Variants in ATF7 observed in about 807,000 individuals in gnomAD.
The protein encoded by ATF7 is activating transcription factor 7.
In ATF7, 10 loss-of-function variants were observed where a neutral mutation model predicts 50.4. The observed-to-expected ratio is 0.20, with a 90% CI of 0.12 to 0.34. The LOEUF (loss-of-function observed/expected upper bound fraction) is 0.34. Among genes scored for constraint, ATF7 ranks in the 10% least tolerant of loss-of-function variants. The pLI, the probability that ATF7 is intolerant of heterozygous loss-of-function variation, is 1.00. For synonymous variants in ATF7, 201 were observed against 226.4 expected (o/e 0.89, Z 1.01); for missense variants, 465 against 613.9 (o/e 0.76, Z 2.56).
downstream of ATF7, among the ~76,000 whole-genome samples, chr12:53,511,417 T>G (rs918655908): frequency 1.3e-5 from 2 of 152,158 alleles, no homozygotes; most frequent in African/African-American, 2.4e-5. Context: ...ACCTGGCTAA[T>G]TTTTGTATTT....
Position 53,562,255 on chromosome 12 carries a change from C to G in ATF7, c.49-9618G>C, listed in dbSNP as rs149531248. Reference sequence around the variant, plus strand: ...AAATCCCAAGCACCTAGAACGGTATCTGTACACAGTAGGTGCTTAATATTT... The same window carrying G: ...AAATCCCAAGCACCTAGAACGGTATGTGTACACAGTAGGTGCTTAATATTT... On this transcript the variant is annotated intron_variant, in intron 2 of 11. Coordinates refer to ENST00000420353, the MANE Select transcript of ATF7 (RefSeq NM_006856.3). 6.6e-4 allele frequency among the ~76,000 whole-genome samples: 100 copies of G among 152,336 alleles called. 1 individual carries two copies. The East Asian group carries it at 0.018, about 28-fold the overall frequency.
chr12:53,619,292 C>T lies in ATF7; in HGVS notation c.-22+6987G>A, dbSNP rs148701686. Among the ~76,000 whole-genome samples, 1,061 of 151,576 alleles carry T rather than the reference C, an allele frequency of 7.0e-3. 3 individuals are homozygous for T. Among genetic ancestry groups the T allele is most frequent in the Admixed American group, 0.011 (165 of 15,202 alleles). On this transcript the variant is annotated intron_variant, in intron 1 of 11. Transcript: ENST00000420353. ...ATCAACTGAGGCCAGGAGTTTGAGACCAGCCTGCAACATGGTGAAACCACG... is the reference window on the plus strand; with the variant it reads ...ATCAACTGAGGCCAGGAGTTTGAGATCAGCCTGCAACATGGTGAAACCACG...
At chr12:53,542,343 C>T (rs1368938471) in intron 4 of ATF7, among the ~76,000 whole-genome samples, 9 of 151,490 alleles carry the variant, frequency 5.9e-5, no homozygotes, top group Admixed American at 1.3e-4. Flanking sequence ...AGGAAAATGG[C>T]GTGAACCTGG....
chr12:53,621,887 C>T (rs1944398459), intron 1 of ATF7, among the ~76,000 whole-genome samples: 2 of 151,846 alleles, frequency 1.3e-5, no homozygotes, highest in Admixed American at 6.6e-5. Flanking sequence ...GTTGTGATTC[C>T]CCCCGTAGTT....
intron 10 of ATF7, 126 bp from the exon 11 acceptor site, chr12:53,523,510 C>T (rs1431012341): frequency 1.5e-6 from 1 of 686,310 alleles, no homozygotes; most frequent in African/African-American, 1.8e-5. Flanking sequence ...GGACAAGACT[C>T]CTGATCCAGC....
chr12:53,624,815 T>A (rs545156939), intron 1 of ATF7, among the ~76,000 whole-genome samples: 8 of 152,234 alleles, frequency 5.3e-5, no homozygotes, highest in Non-Finnish European at 8.8e-5. Flanking sequence ...TAAAAACACA[T>A]TATGTAAGTT....
At chr12:53,572,481 T>C (rs1271649511) in intron 2 of ATF7, among the ~76,000 whole-genome samples, 8 of 152,140 alleles carry the variant, frequency 5.3e-5, no homozygotes, top group African/African-American at 1.9e-4. Context: ...CCCCACACCG[T>C]TGTGAGATTT....
intron 1 of ATF7, among the ~76,000 whole-genome samples, chr12:53,619,062 A>G (rs922995367): frequency 6.6e-6 from 1 of 152,172 alleles, no homozygotes; most frequent in South Asian, 2.1e-4. Context: ...CAAAAAAAAA[A>G]AAAAAGAAGA....
At chr12:53,590,452 C>A (rs1353219319) in intron 2 of ATF7, among the ~76,000 whole-genome samples, 1 of 152,188 alleles carries the variant, frequency 6.6e-6, no homozygotes, top group Non-Finnish European at 1.5e-5. Flanking sequence ...TTGTCCTCAA[C>A]CTAATCAAAG....
chr12:53,550,687 T>C (rs1456605013), intron 3 of ATF7, among the ~76,000 whole-genome samples: 11 of 152,206 alleles, frequency 7.2e-5, no homozygotes, highest in Admixed American at 7.2e-4. Flanking sequence ...GTCATTGACA[T>C]AAAGACTTGA....
chr12:53,556,014 C>G (rs1940730056), intron 2 of ATF7, among the ~76,000 whole-genome samples: 1 of 149,766 alleles, frequency 6.7e-6, no homozygotes, highest in Non-Finnish European at 1.5e-5. Flanking sequence ...TGGGATTTCA[C>G]CATGTTGGCC....
intron 2 of ATF7, among the ~76,000 whole-genome samples, chr12:53,564,967 T>C (rs1182577476): frequency 1.3e-5 from 2 of 152,194 alleles, no homozygotes; most frequent in Non-Finnish European, 1.5e-5. Context: ...TCTTCCAATG[T>C]GGCCCAGGGA....
chr12:53,521,518 C>T (rs1938130514), intron 11 of ATF7, among the ~76,000 whole-genome samples: 1 of 152,212 alleles, frequency 6.6e-6, no homozygotes, highest in Non-Finnish European at 1.5e-5. Flanking sequence ...ATCCTCCTCC[C>T]TATAGTACTT....
chr12:53,536,063 G>T (rs1939201987), intron 5 of ATF7, among the ~76,000 whole-genome samples: 1 of 152,010 alleles, frequency 6.6e-6, no homozygotes, highest in Admixed American at 6.6e-5. Flanking sequence ...GTAAAATCAG[G>T]ATACAGACCA....
chr12:53,553,631 T>C (rs1940523396), intron 2 of ATF7, among the ~76,000 whole-genome samples: 1 of 152,160 alleles, frequency 6.6e-6, no homozygotes. Context: ...CAAAAGTCCC[T>C]TTGAGGCTCC....
At chr12:53,575,282 C>T (rs971026973) in intron 2 of ATF7, among the ~76,000 whole-genome samples, 23 of 152,282 alleles carry the variant, frequency 1.5e-4, no homozygotes, top group African/African-American at 5.5e-4. Flanking sequence ...TGGTGCACGC[C>T]TGTAATCCCA....
At chr12:53,619,597 G>T (rs1443065139) in intron 1 of ATF7, among the ~76,000 whole-genome samples, 2 of 151,914 alleles carry the variant, frequency 1.3e-5, no homozygotes, top group East Asian at 3.9e-4. Flanking sequence ...CAGATCACCT[G>T]AACTTAGGAA....
At chr12:53,577,249 TA>T (rs1405405383) in intron 2 of ATF7, among the ~76,000 whole-genome samples, 1 of 151,766 alleles carries the variant, frequency 6.6e-6, no homozygotes, top group Non-Finnish European at 1.5e-5. Context: ...AGTGACATAG[TA>T]AGACACTGTC....
At chr12:53,573,715 T>C (rs1260130701) in intron 2 of ATF7, among the ~76,000 whole-genome samples, 4 of 152,124 alleles carry the variant, frequency 2.6e-5, no homozygotes, top group Admixed American at 6.6e-5. Context: ...CCCAGAGCAT[T>C]CTGTTCTTCT....
Sources: gnomAD v4.1 joint callset for allele counts (sites outside exome capture counted in the v4.1 genomes callset) on GRCh38, gnomAD v4.1.1 for gene constraint, MANE v1.5 for transcripts, NCBI Gene and HGNC (gene_info 2026-07-23, HGNC 2026-07-21) for gene names.